Variants in SLC25A13 observed in about 807,000 individuals in gnomAD.
The protein encoded by SLC25A13 is electrogenic aspartate/glutamate antiporter SLC25A13, mitochondrial.
In SLC25A13, 70 loss-of-function variants were observed where a neutral mutation model predicts 85.5. That is an observed-to-expected ratio of 0.82 (90% CI 0.68 to 1.00). The LOEUF is 1.00. Among genes scored for constraint, SLC25A13 ranks in the 50% least tolerant of loss-of-function variants. SLC25A13 has a pLI of 0.00. For missense variants in SLC25A13, 765 were observed against 819.8 expected (o/e 0.93, Z 0.82); for synonymous variants, 259 against 288.7 (o/e 0.90, Z 1.04).
At chr7:96,292,972 G>A (rs1013369705) in intron 2 of SLC25A13, among the ~76,000 whole-genome samples, 4 of 152,168 alleles carry the variant, frequency 2.6e-5, no homozygotes, top group African/African-American at 9.7e-5. Context: ...GCATTGCCAA[G>A]TCAATCCTAA....
chr7:96,232,737 A>T (rs922243059), intron 4 of SLC25A13, among the ~76,000 whole-genome samples: 8 of 151,634 alleles, frequency 5.3e-5, no homozygotes, highest in Non-Finnish European at 1.0e-4. Flanking sequence ...TGTTTTTCAG[A>T]CAGTGCCTTT....
At chr7:96,166,153 T>G (rs907387120) in intron 13 of SLC25A13, among the ~76,000 whole-genome samples, 4 of 152,196 alleles carry the variant, frequency 2.6e-5, no homozygotes, top group Non-Finnish European at 5.9e-5. Flanking sequence ...AAACTGTTTT[T>G]CCAACTCAAA....
chr7:96,173,989 G>A lies in SLC25A13; in HGVS notation c.1178-2465C>T, dbSNP rs1027180249. ...AGGAAAGCAGCCAATTGGAAGTCACGTGTGTGCTAATATCACAAGGAAGCA... is the reference window on the plus strand; with the variant it reads ...AGGAAAGCAGCCAATTGGAAGTCACATGTGTGCTAATATCACAAGGAAGCA... On this transcript the variant is annotated intron_variant, in intron 11 of 17. Transcript: ENST00000265631. 2.0e-5 allele frequency among the ~76,000 whole-genome samples: 3 copies of A among 152,232 alleles called. No individual in the cohort carries two copies. In the East Asian group the frequency reaches 5.8e-4, roughly 29 times the overall value.
chr7:96,291,085 G>C (rs1178710533), intron 2 of SLC25A13, among the ~76,000 whole-genome samples: 1 of 152,152 alleles, frequency 6.6e-6, no homozygotes. Context: ...CTGTCTCTCA[G>C]ACCACAGTGC....
Position 96,225,798 on chromosome 7 carries a change from C to T in SLC25A13, c.328+9004G>A, listed in dbSNP as rs1228472084. Among the ~76,000 whole-genome samples, 4 of 152,118 alleles carry T rather than the reference C, an allele frequency of 2.6e-5. No homozygotes were observed. The South Asian group carries it at 8.3e-4, about 32-fold the overall frequency. On this transcript the variant is annotated intron_variant, in intron 4 of 17. Transcript: ENST00000265631. ...CTTCCATGCTTTCTACCCACTTAGC[C>T]TGCTTTACATACAAACAGGATATTC...
At chr7:96,302,435 A>G (rs2037720933) in intron 1 of SLC25A13, among the ~76,000 whole-genome samples, 1 of 152,242 alleles carries the variant, frequency 6.6e-6, no homozygotes, top group Non-Finnish European at 1.5e-5. Flanking sequence ...GTGGTATAGA[A>G]TGGTGTATTC....
In SLC25A13 at chr7:96,306,867, C is replaced by T. The variant is rs145172186; in HGVS notation, c.16-9916G>A. On this transcript the variant is annotated intron_variant, in intron 1 of 17. Transcript: ENST00000265631. The stretch of plus-strand genomic sequence containing the variant: ...AAGGCAAACGAGAAGAAGGAGGAAC[C>T]CAAGTAGCTTTGTGGCTTCACTCCA... 3,494 of 1,311,764 alleles carry T rather than the reference C, an allele frequency of 2.7e-3. 70 individuals are homozygous for T. The African/African-American group carries it at 0.045, about 17-fold the overall frequency. The allele number at this position is 1,311,764 out of a possible 1,614,324, so 81.3% of individuals were successfully genotyped here. A position where few individuals can be genotyped will look rare whatever the true frequency, so the allele number is the denominator to read the frequency against.
intron 3 of SLC25A13, among the ~76,000 whole-genome samples, chr7:96,274,294 CATAA>C (rs1798359549): frequency 6.6e-6 from 1 of 152,044 alleles, no homozygotes; most frequent in African/African-American, 2.4e-5. Context: ...CTTTTGGCTA[CATAA>C]ATGTCTTCTT....
chr7:96,158,563 G>A (rs962028667), intron 13 of SLC25A13, among the ~76,000 whole-genome samples: 6 of 152,204 alleles, frequency 3.9e-5, no homozygotes, highest in African/African-American at 9.6e-5. Flanking sequence ...TCAATTGAAT[G>A]TACTTAGATT....
intron 1 of SLC25A13, among the ~76,000 whole-genome samples, chr7:96,321,394 C>G (rs1424663026): frequency 6.6e-6 from 1 of 152,144 alleles, no homozygotes; most frequent in Admixed American, 6.5e-5. Context: ...AGTCCCTGGA[C>G]TTTTTATTCA....
intron 13 of SLC25A13, among the ~76,000 whole-genome samples, chr7:96,169,471 A>G (rs1181061493): frequency 6.6e-6 from 1 of 152,154 alleles, no homozygotes; most frequent in African/African-American, 2.4e-5. Context: ...AACGAGACAC[A>G]ATGTTTTGCT....
intron 1 of SLC25A13, 27 bp downstream of exon 1, chr7:96,321,915 T>TC (rs1800363694): frequency 3.9e-6 from 6 of 1,524,082 alleles, no homozygotes; most frequent in East Asian, 2.6e-5. Context: ...GCAGGCGCGC[T>TC]CCCCCCGGCC....
chr7:96,139,197 T>A (rs191571579), intron 14 of SLC25A13, among the ~76,000 whole-genome samples: 6 of 152,314 alleles, frequency 3.9e-5, no homozygotes, highest in Non-Finnish European at 8.8e-5. Flanking sequence ...GAGTCAATGA[T>A]TCATCTGAAG....
intron 5 of SLC25A13, among the ~76,000 whole-genome samples, chr7:96,207,085 T>G (rs1328012163): frequency 6.6e-6 from 1 of 152,176 alleles, no homozygotes; most frequent in African/African-American, 2.4e-5. Context: ...TCACATTACA[T>G]TCTCCATCTG....
At position 96,191,098 on chromosome 7, in the gene SLC25A13, T is replaced by C; in HGVS notation, c.754+11A>G. The C allele has an allele frequency of 6.2e-7, 1 of 1,613,942 alleles. No homozygotes were observed. The stretch of plus-strand genomic sequence containing the variant: ...ACTTGCAGGCTAGAATTCAGATATA[T>C]TCTCACTCACCCTTAGTCACTTCAA... On this transcript the variant is annotated intron_variant, in intron 7 of 17. Transcript: ENST00000265631.
chr7:96,147,050 G>A (rs916849886), intron 13 of SLC25A13, among the ~76,000 whole-genome samples: 1 of 145,284 alleles, frequency 6.9e-6, no homozygotes, highest in African/African-American at 2.8e-5. Context: ...AAAATGAAAA[G>A]CATTCGTATC....
chr7:96,279,081 C>A (rs1215742688), intron 2 of SLC25A13, among the ~76,000 whole-genome samples: 2 of 152,074 alleles, frequency 1.3e-5, no homozygotes, highest in Non-Finnish European at 2.9e-5. Flanking sequence ...GGCTAGGCTC[C>A]CAGAAGAGAA....
chr7:96,167,778 C>A lies in SLC25A13; in HGVS notation c.1311+2267G>T, dbSNP rs573383879. Among the ~76,000 whole-genome samples the A allele has an allele frequency of 1.5e-3, 222 of 152,242 alleles. 1 individual carries two copies. The highest frequency in any genetic ancestry group is 5.1e-3 in the African/African-American group (214 of 41,554). ...AATTATAGAGAAGACTTTGCCAAAG[C>A]CTGCAAAGAAAGATGCTGCTATTAC... On this transcript the variant is annotated intron_variant, in intron 13 of 17. Transcript: ENST00000265631.
intron 14 of SLC25A13, 123 bp downstream of exon 14, chr7:96,146,433 G>T: frequency 2.3e-6 from 3 of 1,300,272 alleles, no homozygotes; most frequent in Non-Finnish European, 2.2e-6. Context: ...TCTGCAGCTT[G>T]GGTAGAACAT....
Sources: allele counts gnomAD v4.1 joint callset (sites outside exome capture counted in the v4.1 genomes callset), GRCh38; gene constraint gnomAD v4.1.1; transcripts MANE v1.5; gene names NCBI Gene and HGNC (gene_info 2026-07-23, HGNC 2026-07-21).